Variants in TAB2 observed in about 807,000 individuals in gnomAD.
The protein encoded by TAB2 is TGF-beta activated kinase 1 (MAP3K7) binding protein 2.
A neutral mutation model predicts 65.0 loss-of-function variants in TAB2; 3 were observed. The observed-to-expected ratio is 0.05, with a 90% CI of 0.02 to 0.12. The LOEUF (loss-of-function observed/expected upper bound fraction) is 0.12, where lower values mean the gene tolerates loss of function less well. TAB2 is among the 10% of genes least tolerant of loss of function. TAB2 has a pLI of 1.00. For missense variants in TAB2, 623 were observed against 840.3 expected, an observed-to-expected ratio of 0.74 and a Z score of 3.20; for synonymous variants, 298 against 285.1, an observed-to-expected ratio of 1.05 and a Z score of -0.46.
At chr6:149,266,368 T>C (rs548375322) in intron 1 of TAB2, among the ~76,000 whole-genome samples, 11 of 152,310 alleles carry the variant, frequency 7.2e-5, no homozygotes, top group South Asian at 2.1e-4. Context: ...TGGCAGACTG[T>C]CCCTTAGTAG....
intron 1 of TAB2, chr6:149,218,872 GCA>G: frequency 2.3e-6 from 1 of 436,152 alleles, no homozygotes. Flanking sequence ...CCTGGGAAAT[GCA>G]CACTGTGAGT....
chr6:149,402,322 A>C (rs1351081016), intron 6 of TAB2, among the ~76,000 whole-genome samples: 1 of 152,102 alleles, frequency 6.6e-6, no homozygotes, highest in Non-Finnish European at 1.5e-5. Flanking sequence ...ACCTAGAAAA[A>C]AATTGATACA....
chr6:149,289,945 C>T (rs1247510920), intron 1 of TAB2, among the ~76,000 whole-genome samples: 1 of 151,932 alleles, frequency 6.6e-6, no homozygotes, highest in Non-Finnish European at 1.5e-5. Flanking sequence ...AGGTGGTTGG[C>T]AGTTGGTTAT....
At chr6:149,256,658 A>G (rs1227214564) in intron 1 of TAB2, among the ~76,000 whole-genome samples, 2 of 152,126 alleles carry the variant, frequency 1.3e-5, no homozygotes, top group Non-Finnish European at 2.9e-5. Flanking sequence ...GCTGGATAAA[A>G]TTTTCCACAC....
chr6:149,297,089 C>T (rs1778889788), intron 1 of TAB2, among the ~76,000 whole-genome samples: 1 of 151,824 alleles, frequency 6.6e-6, no homozygotes, highest in East Asian at 1.9e-4. Flanking sequence ...TTCTCCTCCT[C>T]CCTCCTTCCT....
intron 1 of TAB2, among the ~76,000 whole-genome samples, chr6:149,233,523 G>T (rs1053614553): frequency 1.3e-5 from 2 of 152,154 alleles, no homozygotes; most frequent in Non-Finnish European, 2.9e-5. Flanking sequence ...CCTCTTAAAG[G>T]CCAGAAGTGG....
chr6:149,354,566 A>G (rs1780595992), intron 1 of TAB2, among the ~76,000 whole-genome samples: 1 of 152,222 alleles, frequency 6.6e-6, no homozygotes, highest in African/African-American at 2.4e-5. Context: ...TTTTTATTAG[A>G]TCAAGAAGGT....
intron 1 of TAB2, among the ~76,000 whole-genome samples, chr6:149,227,698 T>A (rs1374405582): frequency 6.6e-6 from 1 of 152,220 alleles, no homozygotes; most frequent in African/African-American, 2.4e-5. Context: ...ATATAAGTCA[T>A]CCTTCCTGAA....
intron 1 of TAB2, among the ~76,000 whole-genome samples, chr6:149,331,311 A>T (rs961712835): frequency 1.3e-5 from 2 of 152,136 alleles, no homozygotes; most frequent in African/African-American, 4.8e-5. Context: ...TATATTTTTT[A>T]GAACAATTGT....
At chr6:149,249,134 A>G (rs901318470) in intron 1 of TAB2, among the ~76,000 whole-genome samples, 1 of 127,614 alleles carries the variant, frequency 7.8e-6, no homozygotes, top group Non-Finnish European at 1.6e-5. Context: ...ACACACACAC[A>G]TACACACACA....
In TAB2 at chr6:149,403,311, T is replaced by TAC. The variant is rs1562456512; in HGVS notation, c.1939+4128_1939+4129insCA. Among the ~76,000 whole-genome samples the TAC allele has an allele frequency of 1.5e-4, 10 of 66,334 alleles. 1 individual carries two copies. The highest frequency in any genetic ancestry group is 4.5e-4 in the South Asian group (1 of 2,202). The allele number at this position is 66,334 out of a possible 152,430, so 43.5% of individuals were successfully genotyped here. A position where few individuals can be genotyped will look rare whatever the true frequency, so the allele number is the denominator to read the frequency against. ...ACACACACACATATATATATATATA[T>TAC]ATACACACACATATATATACATATA... On this transcript the variant is annotated intron_variant, in intron 6 of 6. Transcript: ENST00000637181.
At chr6:149,285,391 C>G (rs1251528526) in intron 1 of TAB2, among the ~76,000 whole-genome samples, 2 of 152,138 alleles carry the variant, frequency 1.3e-5, no homozygotes, top group African/African-American at 2.4e-5. Flanking sequence ...CTCAGCCTTT[C>G]CTTAGAGGGG....
chr6:149,333,247 T>C (rs1779834079), intron 1 of TAB2, among the ~76,000 whole-genome samples: 1 of 152,210 alleles, frequency 6.6e-6, no homozygotes, highest in South Asian at 2.1e-4. Flanking sequence ...CAAACAAGCA[T>C]TCTAGCCCTA....
In TAB2 at chr6:149,397,636, C is replaced by A. The variant is rs1782216591; in HGVS notation, c.1636C>A (p.Arg546=). 6.2e-7 allele frequency: 1 copy of A among 1,613,828 alleles called. No individual in the cohort carries two copies. Residue 546 remains arginine, a synonymous_variant, in exon 4 of 7, where the codon CGA becomes AGA. Transcript: ENST00000637181. ...LLVHQKARME[R]LQRELEIQKK... ...GGTACACCAGAAGGCCAGAATGGAA[C>A]GACTTCAAAGAGAACTTGAGATTCA...
At chr6:149,232,183 A>C (rs1777417708) in intron 1 of TAB2, among the ~76,000 whole-genome samples, 1 of 152,168 alleles carries the variant, frequency 6.6e-6, no homozygotes, top group Non-Finnish European at 1.5e-5. Context: ...GCACGAGGCC[A>C]GGCCTCGGGG....
chr6:149,231,607 A>G (rs989746168), intron 1 of TAB2, among the ~76,000 whole-genome samples: 9 of 152,378 alleles, frequency 5.9e-5, no homozygotes, highest in African/African-American at 2.2e-4. Context: ...TAATCACTGC[A>G]TATGTACATA....
rs150244270 is a variant in TAB2, at chr6:149,301,892, T to C, written c.-120-76126T>C. Among the ~76,000 whole-genome samples the C allele has an allele frequency of 2.7e-3, 411 of 152,318 alleles. 2 individuals carry two copies. In the Middle Eastern group the frequency reaches 0.027, roughly 10 times the overall value. On this transcript the variant is annotated intron_variant, in intron 1 of 1. Coordinates refer to the TAB2 transcript ENST00000606202. Reference sequence around the variant, plus strand: ...AATAGAAGTAAACTTTGAAAGATTATGGCACGTTTGCTCATTAAATTCTTA... The same window carrying C: ...AATAGAAGTAAACTTTGAAAGATTACGGCACGTTTGCTCATTAAATTCTTA...
chr6:149,228,585 T>A (rs548452785), intron 1 of TAB2, among the ~76,000 whole-genome samples: 3 of 152,354 alleles, frequency 2.0e-5, no homozygotes, highest in East Asian at 3.9e-4. Context: ...TTCTACGTGA[T>A]AAGCCTGTTA....
At chr6:149,241,320 T>G (rs1285529301) in intron 1 of TAB2, among the ~76,000 whole-genome samples, 2 of 152,206 alleles carry the variant, frequency 1.3e-5, no homozygotes, top group Non-Finnish European at 2.9e-5. Context: ...GCAAACCACT[T>G]CTCCATTTTT....
Sources: gnomAD v4.1 joint callset for allele counts (sites outside exome capture counted in the v4.1 genomes callset) on GRCh38, gnomAD v4.1.1 for gene constraint, MANE v1.5 for transcripts, NCBI Gene and HGNC (gene_info 2026-07-23, HGNC 2026-07-21) for gene names.